The following KATNIP variants were observed in gnomAD, a reference collection of about 807,000 sequenced individuals.
The protein encoded by KATNIP is katanin-interacting protein.
A neutral mutation model predicts 174.0 loss-of-function variants in KATNIP; 126 were observed. The ratio of observed to expected loss-of-function variants is 0.72; its 90% CI spans 0.63 to 0.84. KATNIP has a LOEUF of 0.84. Among genes scored for constraint, KATNIP ranks in the 40% least tolerant of loss-of-function variants. The pLI is 0.00. For synonymous variants in KATNIP, 810 were observed against 835.7 expected, an observed-to-expected ratio of 0.97 and a Z score of 0.53; for missense variants, 1,958 against 2,109.7, an observed-to-expected ratio of 0.93 and a Z score of 1.41.
chr16:27,701,355 T>C (rs2079091077), intron 10 of KATNIP: 1 of 420,008 alleles, frequency 2.4e-6, no homozygotes, highest in African/African-American at 2.0e-5. Context: ...AAGTTTACAG[T>C]CACTCATCGA....
chr16:27,628,369 C>T (rs193037130), intron 3 of KATNIP, among the ~76,000 whole-genome samples: 80 of 152,368 alleles, frequency 5.3e-4, no homozygotes, highest in Non-Finnish European at 7.3e-5. Flanking sequence ...CTGCCTTGGC[C>T]AGCACGGGGC....
chr16:27,619,510 G>T (rs915428004), intron 3 of KATNIP, among the ~76,000 whole-genome samples: 1 of 152,134 alleles, frequency 6.6e-6, no homozygotes, highest in African/African-American at 2.4e-5. Flanking sequence ...AGAGTCTGGG[G>T]TAGGGAGGTG....
At chr16:27,759,349 T>C (rs2081863828) in intron 18 of KATNIP, among the ~76,000 whole-genome samples, 1 of 152,192 alleles carries the variant, frequency 6.6e-6, no homozygotes, top group South Asian at 2.1e-4. Context: ...GTTTGAGCTC[T>C]GGTTATTAGG....
At chr16:27,714,543 G>A (rs12924688) in intron 13 of KATNIP, among the ~76,000 whole-genome samples, 16,653 of 152,092 alleles carry the variant, frequency 0.11, 1,161 homozygotes, top group Middle Eastern at 0.2. Flanking sequence ...TCTTTGAGAG[G>A]ATTAACACAT....
chr16:27,753,724 T>C (rs559463433), intron 17 of KATNIP, among the ~76,000 whole-genome samples: 1 of 151,564 alleles, frequency 6.6e-6, no homozygotes, highest in African/African-American at 2.4e-5. Flanking sequence ...CTTCCTTCCT[T>C]CCTTCCTTCC....
chr16:27,685,642 T>C (rs542375743), intron 8 of KATNIP, among the ~76,000 whole-genome samples: 1 of 152,324 alleles, frequency 6.6e-6, no homozygotes, highest in African/African-American at 2.4e-5. Context: ...CCATCAGTAC[T>C]CCTAAAGAGG....
chr16:27,742,505 A>G (rs1328588768), intron 15 of KATNIP, among the ~76,000 whole-genome samples: 1 of 152,152 alleles, frequency 6.6e-6, no homozygotes, highest in Non-Finnish European at 1.5e-5. Flanking sequence ...GAGCCTCTGG[A>G]TTTAACCCCA....
At chr16:27,707,889 C>T (rs756221096) in intron 12 of KATNIP, among the ~76,000 whole-genome samples, 4 of 152,158 alleles carry the variant, frequency 2.6e-5, no homozygotes, top group Non-Finnish European at 5.9e-5. Context: ...TGGATTAGTG[C>T]CCCCCTCCCC....
chr16:27,747,837 G>A (rs1401729193), intron 15 of KATNIP, among the ~76,000 whole-genome samples: 1 of 152,188 alleles, frequency 6.6e-6, no homozygotes, highest in African/African-American at 2.4e-5. Context: ...AGCCACAGGA[G>A]CGGGTCGCCT....
Position 27,573,585 on chromosome 16 carries a change from T to G in KATNIP, c.8-316T>G, listed in dbSNP as rs1596760762. On this transcript the variant is annotated intron_variant, in intron 1 of 27. Coordinates refer to ENST00000261588, the MANE Select transcript of KATNIP (RefSeq NM_015202.5). Reference sequence around the variant, plus strand: ...GGCATTTTATGTAATTCCAAACAATTTAATAAAAATGTAATTCAAAGGGGA... The same window carrying G: ...GGCATTTTATGTAATTCCAAACAATGTAATAAAAATGTAATTCAAAGGGGA... 2.0e-5 allele frequency among the ~76,000 whole-genome samples: 3 copies of G among 152,338 alleles called. No individual in the cohort carries two copies. The East Asian group carries it at 5.8e-4, about 29-fold the overall frequency.
chr16:27,721,814 T>C, intron 14 of KATNIP, 119 bp downstream of exon 14: 1 of 1,125,072 alleles, frequency 8.9e-7, no homozygotes. Flanking sequence ...GCTGGCCTCG[T>C]GTGTGCAGCA....
chr16:27,596,947 C>T (rs1433402740), intron 2 of KATNIP, among the ~76,000 whole-genome samples: 1 of 151,702 alleles, frequency 6.6e-6, no homozygotes, highest in African/African-American at 2.4e-5. Context: ...CACTTGAACC[C>T]GGAAGACAGA....
At chr16:27,677,355 C>T (rs1258601237) in intron 6 of KATNIP, among the ~76,000 whole-genome samples, 1 of 152,160 alleles carries the variant, frequency 6.6e-6, no homozygotes, top group Non-Finnish European at 1.5e-5. Context: ...CAGGCCCCAT[C>T]CCAGACCCAC....
intron 6 of KATNIP, among the ~76,000 whole-genome samples, chr16:27,658,870 C>T (rs1268160836): frequency 6.6e-6 from 1 of 152,060 alleles, no homozygotes; most frequent in Non-Finnish European, 1.5e-5. Flanking sequence ...TCAAGCAGTT[C>T]TCATCCCTCA....
intron 6 of KATNIP, among the ~76,000 whole-genome samples, chr16:27,666,080 T>C (rs1282932200): frequency 6.6e-6 from 1 of 152,212 alleles, no homozygotes; most frequent in East Asian, 1.9e-4. Context: ...GCCAGGGTGA[T>C]GCTGAGGGGT....
chr16:27,753,728 T>G (rs1372525184), intron 17 of KATNIP, among the ~76,000 whole-genome samples: 1 of 151,436 alleles, frequency 6.6e-6, no homozygotes, highest in Non-Finnish European at 1.5e-5. Context: ...CTTCCTTCCT[T>G]CCTTCCCTCC....
chr16:27,624,269 C>T (rs769348539), intron 3 of KATNIP, among the ~76,000 whole-genome samples: 1 of 152,116 alleles, frequency 6.6e-6, no homozygotes, highest in Admixed American at 6.5e-5. Flanking sequence ...CCCGGTGGCC[C>T]ACGAGGAGGA....
rs557111834 is a variant in KATNIP at position 27,560,157 on chromosome 16, C to T, written c.7+9980C>T. ...ATTAGCCGGGCGTGGTGGCGGGTGC[C>T]TGTAATCCCAGCTATTCAGGAGGCT... On this transcript the variant is annotated intron_variant, in intron 1 of 27. Transcript: ENST00000261588. 3.3e-5 allele frequency among the ~76,000 whole-genome samples: 5 copies of T among 151,504 alleles called. No individual in the cohort carries two copies. In the South Asian group the frequency reaches 8.4e-4, roughly 25 times the overall value.
chr16:27,691,534 AAAG>A (rs1386457214), intron 8 of KATNIP, among the ~76,000 whole-genome samples: 1 of 152,180 alleles, frequency 6.6e-6, no homozygotes, highest in Non-Finnish European at 1.5e-5. Context: ...AGAGCATCAA[AAAG>A]AATTAAAAGG....
Sources: allele counts gnomAD v4.1 joint callset (sites outside exome capture counted in the v4.1 genomes callset), GRCh38; gene constraint gnomAD v4.1.1; transcripts MANE v1.5; gene names NCBI Gene and HGNC (gene_info 2026-07-23, HGNC 2026-07-21).